The following ZFHX4 variants were observed in gnomAD, a reference collection of about 807,000 sequenced individuals.
ZFHX4 encodes zinc finger homeobox protein 4.
A neutral mutation model predicts 267.6 loss-of-function variants in ZFHX4; 56 were observed. The ratio of observed to expected loss-of-function variants is 0.21; its 90% CI spans 0.17 to 0.26. The LOEUF (loss-of-function observed/expected upper bound fraction) is 0.26. ZFHX4 is among the 10% of genes least tolerant of loss of function. The pLI is 1.00. For synonymous variants in ZFHX4, 1,778 were observed against 1,665.6 expected (o/e 1.07, Z -1.64); for missense variants, 4,332 against 4,420.0 (o/e 0.98, Z 0.56).
chr8:76,712,243 T>C (rs1370115651), intron 3 of ZFHX4, among the ~76,000 whole-genome samples: 4 of 152,184 alleles, frequency 2.6e-5, no homozygotes, highest in Non-Finnish European at 5.9e-5. Context: ...TTTTTCTCAT[T>C]ATCCATGTTA....
chr8:76,812,855 TA>T (rs1811412389), intron 4 of ZFHX4, among the ~76,000 whole-genome samples: 1 of 152,140 alleles, frequency 6.6e-6, no homozygotes, highest in Non-Finnish European at 1.5e-5. Flanking sequence ...TATAGTTTTT[TA>T]AAAAAATGTA....
intron 3 of ZFHX4, among the ~76,000 whole-genome samples, chr8:76,715,819 T>G (rs983021433): frequency 6.6e-6 from 1 of 152,172 alleles, no homozygotes; most frequent in Admixed American, 6.5e-5. Flanking sequence ...AATATTAAAG[T>G]GTATGGAGAT....
intron 1 of ZFHX4, among the ~76,000 whole-genome samples, chr8:76,697,410 C>T (rs1197538118): frequency 1.3e-5 from 2 of 151,830 alleles, no homozygotes; most frequent in Non-Finnish European, 2.9e-5. Context: ...TTTAAATGTT[C>T]TTATGTGATA....
intron 3 of ZFHX4, among the ~76,000 whole-genome samples, chr8:76,765,384 T>A (rs1810025363): frequency 6.6e-6 from 1 of 152,190 alleles, no homozygotes; most frequent in East Asian, 1.9e-4. Context: ...TATGCTGAAA[T>A]TCTTAGAATG....
intron 3 of ZFHX4, among the ~76,000 whole-genome samples, chr8:76,714,905 C>T (rs920795198): frequency 2.0e-5 from 3 of 152,040 alleles, no homozygotes; most frequent in South Asian, 2.1e-4. Flanking sequence ...AATCTATGGA[C>T]GTAGTCATCA....
intron 3 of ZFHX4, among the ~76,000 whole-genome samples, chr8:76,776,837 T>C (rs1434481343): frequency 1.4e-4 from 22 of 152,134 alleles, no homozygotes; most frequent in Admixed American, 1.0e-3. Flanking sequence ...CCAAATATAA[T>C]ATATGGGTCC....
chr8:76,805,716 T>C (rs919017885), intron 4 of ZFHX4, among the ~76,000 whole-genome samples: 2 of 151,958 alleles, frequency 1.3e-5, no homozygotes, highest in African/African-American at 4.8e-5. Flanking sequence ...CAGAATGAAA[T>C]GAATGCACTT....
Position 76,855,907 on chromosome 8 carries a change from A to G in ZFHX4, c.8986A>G (p.Met2996Val). ...TAAAATTAACATAGGGAAGCCTTTCATGATCAATCAAGGCGGAACGGAAGG... is the reference window on the plus strand; with the variant it reads ...TAAAATTAACATAGGGAAGCCTTTCGTGATCAATCAAGGCGGAACGGAAGG... ...KFKINIGKPF[M>V]INQGGTEGTK... Residue 2996 changes from methionine to valine, a missense_variant, in exon 10 of 11, where the codon ATG (methionine) becomes GTG (valine). Transcript: ENST00000651372. The G allele has an allele frequency of 6.2e-7, 1 of 1,613,938 alleles. No homozygotes were observed. Among genetic ancestry groups the G allele is most frequent in the Non-Finnish European group, 8.5e-7 (1 of 1,179,876 alleles).
chr8:76,835,227 ATATATATATATATG>A (rs1361145899), intron 5 of ZFHX4, among the ~76,000 whole-genome samples: 1 of 59,086 alleles, frequency 1.7e-5, no homozygotes, highest in Admixed American at 1.4e-4. Context: ...ATGTATATAT[ATATATATATATATG>A]TATATATATA....
intron 3 of ZFHX4, among the ~76,000 whole-genome samples, chr8:76,734,540 T>G (rs983009413): frequency 6.6e-6 from 1 of 152,138 alleles, no homozygotes; most frequent in Non-Finnish European, 1.5e-5. Context: ...TTAATTATAA[T>G]TTTTGCAGCT....
At chr8:76,719,603 A>T (rs2131637235) in intron 3 of ZFHX4, among the ~76,000 whole-genome samples, 1 of 152,236 alleles carries the variant, frequency 6.6e-6, no homozygotes, top group Non-Finnish European at 1.5e-5. Context: ...ATTTTTAAAA[A>T]ATATTTTAAA....
At chr8:76,814,637 G>A (rs1811457416) in intron 4 of ZFHX4, among the ~76,000 whole-genome samples, 1 of 152,052 alleles carries the variant, frequency 6.6e-6, no homozygotes, top group South Asian at 2.1e-4. Context: ...TTGAAAGATG[G>A]AGCCACTCTC....
At chr8:76,767,837 C>T (rs1193316318) in intron 3 of ZFHX4, among the ~76,000 whole-genome samples, 1 of 152,096 alleles carries the variant, frequency 6.6e-6, no homozygotes, top group African/African-American at 2.4e-5. Flanking sequence ...AACATGTTCT[C>T]TGGATATGGG....
In ZFHX4 at chr8:76,856,371, A is replaced by G. The variant is rs192978916; in HGVS notation, c.9379+71A>G. On this transcript the variant is annotated intron_variant, in intron 10 of 10. Transcript: ENST00000651372. ...AGGTAGACAGTCACATGTAACCAAG[A>G]ACGGGGTGCCTTTGGATTTCTTTTA... 4 of 1,545,966 alleles carry G rather than the reference A, an allele frequency of 2.6e-6. No homozygotes were observed. The East Asian group carries it at 7.0e-5, about 27-fold the overall frequency.
At chr8:76,769,887 T>C (rs1287396696) in intron 3 of ZFHX4, among the ~76,000 whole-genome samples, 1 of 152,208 alleles carries the variant, frequency 6.6e-6, no homozygotes, top group Non-Finnish European at 1.5e-5. Flanking sequence ...TACTGTTTGT[T>C]CAAAGTACTT....
At chr8:76,758,122 T>C (rs966659420) in intron 3 of ZFHX4, among the ~76,000 whole-genome samples, 1 of 152,068 alleles carries the variant, frequency 6.6e-6, no homozygotes, top group East Asian at 1.9e-4. Context: ...TCTTCATTCA[T>C]GGGGCTCTGA....
intron 1 of ZFHX4, among the ~76,000 whole-genome samples, chr8:76,685,586 A>C (rs908434768): frequency 6.6e-6 from 1 of 152,226 alleles, no homozygotes; most frequent in African/African-American, 2.4e-5. Context: ...TGCTGCTTTA[A>C]AAATATTATG....
intron 4 of ZFHX4, among the ~76,000 whole-genome samples, chr8:76,790,494 A>C (rs571953958): frequency 6.6e-6 from 1 of 152,248 alleles, no homozygotes; most frequent in South Asian, 2.1e-4. Flanking sequence ...AAATATAAAA[A>C]GTAAAAATAA....
chr8:76,766,505 A>C (rs1810054694), intron 3 of ZFHX4, among the ~76,000 whole-genome samples: 1 of 152,124 alleles, frequency 6.6e-6, no homozygotes, highest in Non-Finnish European at 1.5e-5. Context: ...ATCCAATTTC[A>C]GTTATTGCCT....
Sources: gnomAD v4.1 joint callset for allele counts (sites outside exome capture counted in the v4.1 genomes callset) on GRCh38, gnomAD v4.1.1 for gene constraint, MANE v1.5 for transcripts, NCBI Gene and HGNC (gene_info 2026-07-23, HGNC 2026-07-21) for gene names.